Variants in TBC1D1 observed in about 807,000 individuals in gnomAD.
TBC1D1 encodes TBC1 domain family member 1.
A neutral mutation model predicts 125.6 loss-of-function variants in TBC1D1; 89 were observed. That is an observed-to-expected ratio of 0.71 (90% CI 0.60 to 0.85). The LOEUF (loss-of-function observed/expected upper bound fraction) is 0.85, where lower values mean the gene tolerates loss of function less well. TBC1D1 is among the 40% of genes least tolerant of loss of function. The pLI is 0.00. For synonymous variants in TBC1D1, 565 were observed against 564.1 expected (o/e 1.00, Z -0.02); for missense variants, 1,377 against 1,469.2 (o/e 0.94, Z 1.03).
At chr4:38,055,958 G>A (rs1304143819) in intron 12 of TBC1D1, among the ~76,000 whole-genome samples, 2 of 152,160 alleles carry the variant, frequency 1.3e-5, no homozygotes, top group Admixed American at 6.5e-5. Flanking sequence ...TCGGTGTTGC[G>A]GTGGCCATAC....
intron 16 of TBC1D1, 94 bp from the exon 19 acceptor site, chr4:38,117,939 A>G: frequency 2.7e-6 from 3 of 1,119,390 alleles, no homozygotes; most frequent in Non-Finnish European, 3.9e-6. Context: ...AGTTCTAGTA[A>G]GTCTTCTCTT....
At chr4:38,054,597 C>T (rs898164454) in intron 12 of TBC1D1, among the ~76,000 whole-genome samples, 3 of 152,132 alleles carry the variant, frequency 2.0e-5, no homozygotes, top group South Asian at 4.1e-4. Context: ...TGTTAACCAG[C>T]GGTGAATCCA....
At chr4:37,962,539 G>A (rs1730254282) in intron 2 of TBC1D1, among the ~76,000 whole-genome samples, 1 of 152,168 alleles carries the variant, frequency 6.6e-6, no homozygotes, top group African/African-American at 2.4e-5. Flanking sequence ...AATGTTTACT[G>A]CCATATTTAT....
chr4:37,907,405 G>A (rs554505642), intron 2 of TBC1D1, among the ~76,000 whole-genome samples: 28 of 151,890 alleles, frequency 1.8e-4, no homozygotes, highest in South Asian at 4.2e-4. Context: ...TCTTTGAGAC[G>A]GAGTTTCATC....
chr4:38,014,685 G>A lies in TBC1D1; in HGVS notation c.594G>A (p.Glu198=), dbSNP rs1742263164. 1 of 1,613,024 alleles carries A rather than the reference G, an allele frequency of 6.2e-7. No individual in the cohort carries two copies. The highest frequency in any genetic ancestry group is 1.3e-5 in the African/African-American group (1 of 74,936). Reference sequence around the variant, plus strand: ...CGGCCCTGATCGACGAGTGCATCGAGAAGTTCAATCACGTCAGCGGCAGCC... The same window carrying A: ...CGGCCCTGATCGACGAGTGCATCGAAAAGTTCAATCACGTCAGCGGCAGCC... The change falls in exon 3 of 20, where the codon GAG becomes GAA. Residue 198 remains glutamate (E), a synonymous_variant. Transcript: ENST00000261439. This position sits in a 1 kb window ranked among gnomAD's most constrained non-coding sequence, Gnocchi z 5.1.
chr4:37,929,949 A>C (rs563191439), intron 2 of TBC1D1, among the ~76,000 whole-genome samples: 15 of 152,214 alleles, frequency 9.9e-5, no homozygotes, highest in African/African-American at 3.6e-4. Flanking sequence ...CTATGGCCAC[A>C]CTCTGAACAG....
chr4:38,135,688 C>G (rs1468736666), intron 19 of TBC1D1, among the ~76,000 whole-genome samples: 1 of 152,134 alleles, frequency 6.6e-6, no homozygotes, highest in Non-Finnish European at 1.5e-5. Flanking sequence ...TGGGACCACC[C>G]CTTGCCCAGT....
chr4:38,053,538 C>T (rs77136215), intron 11 of TBC1D1, among the ~76,000 whole-genome samples: 3,176 of 152,238 alleles, frequency 0.021, 58 homozygotes, highest in Middle Eastern at 0.051. Flanking sequence ...CTGTTCAGGA[C>T]GTCTAATCTG....
At position 37,902,048 on chromosome 4, in the gene TBC1D1, A is replaced by G. The variant is rs2279028; in HGVS notation, c.-48A>G. ...TAAAATAGATTGCTTGATCCAAAAC[A>G]GAAAAACAGTGATAACTGTTTTGCT... On this transcript the variant is annotated 5_prime_UTR_variant, in exon 2 of 20. Coordinates refer to ENST00000261439, the MANE Select transcript of TBC1D1 (RefSeq NM_015173.4). 0.25 allele frequency: 378,793 copies of G among 1,524,696 alleles called. 52,554 individuals carry two copies. Among genetic ancestry groups the G allele is most frequent in the African/African-American group, 0.56 (40,486 of 71,738 alleles). 94.4% of individuals were successfully genotyped at this position (1,524,696 alleles called of 1,614,324 possible).
At chr4:37,909,154 C>A (rs1754702041) in intron 2 of TBC1D1, among the ~76,000 whole-genome samples, 1 of 152,252 alleles carries the variant, frequency 6.6e-6, no homozygotes, top group Admixed American at 6.5e-5. Flanking sequence ...GTAAGCACAT[C>A]GCCTTTCCCA....
chr4:38,022,808 G>C (rs1390603592), intron 6 of TBC1D1, among the ~76,000 whole-genome samples: 1 of 152,140 alleles, frequency 6.6e-6, no homozygotes, highest in Admixed American at 6.5e-5. Flanking sequence ...CTCTGTTCTT[G>C]ATTTTGTGTT....
chr4:38,065,644 C>CTTT lies in TBC1D1; in HGVS notation c.2050+11323_2050+11325dup, dbSNP rs11447003. On this transcript the variant is annotated intron_variant, in intron 12 of 19. Coordinates refer to ENST00000261439, the MANE Select transcript of TBC1D1 (RefSeq NM_015173.4). ...AGATGATCCCCATAGGTATTACCGC[C>CTTT]TTTTTTTTTTTTTTTTTTTGAGACA... 2.2e-3 allele frequency among the ~76,000 whole-genome samples: 268 copies of CTTT among 119,630 alleles called. 6 individuals are homozygous for CTTT. The highest frequency in any genetic ancestry group is 4.4e-3 in the African/African-American group (130 of 29,774). 78.5% of individuals were successfully genotyped at this position (119,630 alleles called of 152,430 possible).
chr4:38,085,689 G>C (rs1757368838), intron 12 of TBC1D1, among the ~76,000 whole-genome samples: 1 of 152,222 alleles, frequency 6.6e-6, no homozygotes, highest in Admixed American at 6.5e-5. Context: ...AGAGAAGCCG[G>C]ATCCCTGGGA....
chr4:37,986,329 G>A (rs1331346244), intron 2 of TBC1D1, among the ~76,000 whole-genome samples: 2 of 152,076 alleles, frequency 1.3e-5, no homozygotes. Flanking sequence ...CTGTTTTTGA[G>A]GTACATTGTT....
At chr4:37,920,404 G>A (rs944406599) in intron 2 of TBC1D1, among the ~76,000 whole-genome samples, 1 of 152,178 alleles carries the variant, frequency 6.6e-6, no homozygotes, top group African/African-American at 2.4e-5. Flanking sequence ...TAAGAACCGG[G>A]TAAAGAGACA....
intron 1 of TBC1D1, among the ~76,000 whole-genome samples, chr4:37,893,554 C>A (rs935930320): frequency 1.3e-5 from 2 of 151,966 alleles, no homozygotes; most frequent in South Asian, 2.1e-4. Flanking sequence ...CATGGTGGCT[C>A]ATGCCTGTAA....
intron 2 of TBC1D1, among the ~76,000 whole-genome samples, chr4:37,931,514 G>A (rs983779927): frequency 6.6e-6 from 1 of 151,880 alleles, no homozygotes; most frequent in African/African-American, 2.4e-5. Context: ...CTCTTGCTCT[G>A]TCGCTCAGGC....
chr4:38,026,213 T>TA (rs1418657281), intron 6 of TBC1D1, among the ~76,000 whole-genome samples: 10 of 151,886 alleles, frequency 6.6e-5, no homozygotes, highest in Admixed American at 2.0e-4. Context: ...TTTCCTGGGT[T>TA]AAAAAAAAGG....
In TBC1D1 at chr4:38,120,241, C is replaced by T. The variant is rs1578812063; in HGVS notation, c.2962+2049C>T. ...CCTGCTGTGCTAAGTGGGTCGTTGT[C>T]CAGCTGGCCAAGGGCTCCTGGGATT... is the stretch of plus-strand genomic sequence containing the variant. On this transcript the variant is annotated intron_variant, in intron 17 of 19. Coordinates refer to ENST00000261439, the MANE Select transcript of TBC1D1 (RefSeq NM_015173.4). 2.0e-5 allele frequency: 10 copies of T among 489,754 alleles called. No individual in the cohort carries two copies. The South Asian group carries it at 6.9e-4, about 34-fold the overall frequency. The allele number at this position is 489,754 out of a possible 1,614,324, so 30.3% of individuals were successfully genotyped here. A position where few individuals can be genotyped will look rare whatever the true frequency, so the allele number is the denominator to read the frequency against.
Sources: allele counts gnomAD v4.1 joint callset (sites outside exome capture counted in the v4.1 genomes callset), GRCh38; gene constraint gnomAD v4.1.1; non-coding constraint Gnocchi (gnomAD v3.1); transcripts MANE v1.5; gene names NCBI Gene and HGNC (gene_info 2026-07-23, HGNC 2026-07-21).